SPATA6: variants seen among roughly 807,000 people sequenced by gnomAD.
SPATA6 encodes the protein spermatogenesis associated 6.
Under a neutral mutation model 65.3 loss-of-function variants are expected in SPATA6, and 56 were observed. That is an observed-to-expected ratio of 0.86 (90% CI 0.69 to 1.07). SPATA6 has a LOEUF of 1.07. SPATA6 is among the 50% of genes least tolerant of loss of function. SPATA6 has a pLI of 0.00. For missense variants in SPATA6, 590 were observed against 594.8 expected (o/e 0.99, Z 0.08); for synonymous variants, 199 against 213.2 (o/e 0.93, Z 0.58).
intron 1 of SPATA6, among the ~76,000 whole-genome samples, chr1:48,459,253 T>A (rs1172931013): frequency 2.0e-5 from 3 of 149,830 alleles, no homozygotes; most frequent in Non-Finnish European, 4.4e-5. Flanking sequence ...TGAATAATAT[T>A]GCAACTTCAA....
At chr1:48,358,046 T>C (rs184038746) in intron 10 of SPATA6, among the ~76,000 whole-genome samples, 284 of 152,212 alleles carry the variant, frequency 1.9e-3, no homozygotes, top group Middle Eastern at 3.4e-3. Flanking sequence ...ACTACATCTA[T>C]CATCCTGAGT....
At chr1:48,312,093 A>C (rs1416320356) in intron 11 of SPATA6, among the ~76,000 whole-genome samples, 1 of 152,154 alleles carries the variant, frequency 6.6e-6, no homozygotes, top group African/African-American at 2.4e-5. Flanking sequence ...GGAGCCCACC[A>C]CAGCTCAAGG....
intron 11 of SPATA6, among the ~76,000 whole-genome samples, chr1:48,329,631 C>T (rs1301130683): frequency 6.6e-6 from 1 of 152,170 alleles, no homozygotes; most frequent in Non-Finnish European, 1.5e-5. Context: ...GTGTGTGTCA[C>T]TGTCATGGAA....
chr1:48,273,293 A>T, the SPATA6 span, among the ~76,000 whole-genome samples: 8 of 152,240 alleles, frequency 5.3e-5, no homozygotes, highest in Non-Finnish European at 8.8e-5. Flanking sequence ...GTATGGTATA[A>T]TGGTCCAATT....
chr1:48,373,861 C>T (rs1647583206), intron 9 of SPATA6, among the ~76,000 whole-genome samples: 1 of 152,204 alleles, frequency 6.6e-6, no homozygotes, highest in Non-Finnish European at 1.5e-5. Flanking sequence ...GATTCAATTA[C>T]TTCCCCCTGG....
Position 48,428,889 on chromosome 1 carries a change from GTGTT to G in SPATA6, c.239-15742_239-15739del, listed in dbSNP as rs1420242287. On this transcript the variant is annotated intron_variant, in intron 3 of 12. Transcript: ENST00000371847. Reference sequence around the variant, plus strand: ...TATACACGTGTGTGTGTGTGTGTGTGTGTTTGTGTGTGTGTGTGACAGATCTATT... The same window carrying G: ...TATACACGTGTGTGTGTGTGTGTGTGTGTGTGTGTGTGTGACAGATCTATT... Among the ~76,000 whole-genome samples the G allele has an allele frequency of 7.8e-5, 11 of 141,728 alleles. No homozygotes were observed. In the East Asian group the frequency reaches 1.7e-3, roughly 22 times the overall value. The allele number at this position is 141,728 out of a possible 152,430, so 93.0% of individuals were successfully genotyped here. A position where few individuals can be genotyped will look rare whatever the true frequency, so the allele number is the denominator to read the frequency against.
At chr1:48,369,103 A>G (rs1647140115) in intron 9 of SPATA6, among the ~76,000 whole-genome samples, 1 of 152,152 alleles carries the variant, frequency 6.6e-6, no homozygotes, top group Non-Finnish European at 1.5e-5. Context: ...GCTGCAGAAC[A>G]GCGGATTTTC....
chr1:48,427,708 A>T (rs1653971897), intron 3 of SPATA6, among the ~76,000 whole-genome samples: 1 of 152,192 alleles, frequency 6.6e-6, no homozygotes, highest in Non-Finnish European at 1.5e-5. Flanking sequence ...CACTGTTGAA[A>T]ACCTCCATAT....
Position 48,312,273 on chromosome 1 carries a change from G to A in SPATA6, c.1195-6395C>T, listed in dbSNP as rs570011479. On this transcript the variant is annotated intron_variant, in intron 11 of 12. Coordinates refer to ENST00000371847, the MANE Select transcript of SPATA6 (RefSeq NM_019073.4). ...GAGAATGGACAGACTACCTCCTCAA[G>A]TGGGTCCCTGACACCCGAGCAGCCT... Among the ~76,000 whole-genome samples, 20 of 152,300 alleles carry A rather than the reference G, an allele frequency of 1.3e-4. 1 individual carries two copies. The South Asian group carries it at 3.7e-3, about 28-fold the overall frequency.
intron 11 of SPATA6, among the ~76,000 whole-genome samples, chr1:48,338,988 C>T (rs1157098660): frequency 2.0e-5 from 3 of 151,988 alleles, no homozygotes; most frequent in Non-Finnish European, 4.4e-5. Context: ...GCTGATACTG[C>T]TCAACATAAC....
Position 48,346,187 on chromosome 1 carries a change from C to A in SPATA6, c.1194+9483G>T, listed in dbSNP as rs1363113015. ...AAGGTTGGTTCAACATTACACAAAT[C>A]AAAAAATGTGATTCATCACATAAAC... On this transcript the variant is annotated intron_variant, in intron 11 of 12. Coordinates refer to ENST00000371847, the MANE Select transcript of SPATA6 (RefSeq NM_019073.4). Among the ~76,000 whole-genome samples, 4 of 151,902 alleles carry A rather than the reference C, an allele frequency of 2.6e-5. 1 individual carries two copies. Among genetic ancestry groups the A allele is most frequent in the African/African-American group, 7.3e-5 (3 of 41,354 alleles).
chr1:48,314,411 G>A (rs1296535556), intron 11 of SPATA6, among the ~76,000 whole-genome samples: 2 of 151,990 alleles, frequency 1.3e-5, no homozygotes, highest in African/African-American at 2.4e-5. Flanking sequence ...TCAACTACAT[G>A]GAAACTGAAC....
chr1:48,281,806 A>G, the SPATA6 span, among the ~76,000 whole-genome samples: 1 of 152,158 alleles, frequency 6.6e-6, no homozygotes, highest in African/African-American at 2.4e-5. Context: ...GCTACCAATG[A>G]CTTTCTTCAT....
intron 9 of SPATA6, among the ~76,000 whole-genome samples, chr1:48,367,719 C>A (rs1430539120): frequency 5.3e-5 from 8 of 152,142 alleles, no homozygotes; most frequent in African/African-American, 1.7e-4. Flanking sequence ...CTCCTGAGTA[C>A]AGCACACTGA....
At chr1:48,358,678 G>C (rs1365770484) in intron 10 of SPATA6, among the ~76,000 whole-genome samples, 3 of 152,100 alleles carry the variant, frequency 2.0e-5, no homozygotes, top group Admixed American at 6.6e-5. Flanking sequence ...TGATGTTATT[G>C]TTGTTGTTTG....
intron 3 of SPATA6, among the ~76,000 whole-genome samples, chr1:48,438,816 T>C (rs1655187635): frequency 6.6e-6 from 1 of 152,176 alleles, no homozygotes; most frequent in African/African-American, 2.4e-5. Flanking sequence ...TTCAGGACTC[T>C]GTTATCTTCT....
intron 3 of SPATA6, among the ~76,000 whole-genome samples, chr1:48,422,355 G>A (rs898499407): frequency 3.3e-5 from 5 of 152,184 alleles, no homozygotes; most frequent in African/African-American, 1.2e-4. Flanking sequence ...TTCTCCCTAA[G>A]AGCATCTGCT....
At chr1:48,405,386 G>A (rs1382213805) in intron 5 of SPATA6, among the ~76,000 whole-genome samples, 2 of 152,180 alleles carry the variant, frequency 1.3e-5, no homozygotes, top group African/African-American at 4.8e-5. Flanking sequence ...ATTTCTATGG[G>A]TCAGAAATCT....
At chr1:48,375,164 G>T (rs935493088) in intron 9 of SPATA6, among the ~76,000 whole-genome samples, 1 of 152,098 alleles carries the variant, frequency 6.6e-6, no homozygotes, top group Non-Finnish European at 1.5e-5. Context: ...ACTGGGTCTT[G>T]GTACTGAGTC....
Sources: allele counts gnomAD v4.1 joint callset (sites outside exome capture counted in the v4.1 genomes callset), GRCh38; gene constraint gnomAD v4.1.1; transcripts MANE v1.5; gene names NCBI Gene and HGNC (gene_info 2026-07-23, HGNC 2026-07-21).